Variants in VIPR2 observed in about 807,000 individuals in gnomAD.
The protein encoded by VIPR2 is vasoactive intestinal peptide receptor 2.
VIPR2 carries 48 observed loss-of-function variants against 58.0 expected under a neutral mutation model. That is an observed-to-expected ratio of 0.83 (90% CI 0.66 to 1.05). The LOEUF is 1.05. VIPR2 is among the 50% of genes least tolerant of loss of function. The pLI, the probability that VIPR2 is intolerant of heterozygous loss-of-function variation, is 0.00. For missense variants in VIPR2, 534 were observed against 558.0 expected, an observed-to-expected ratio of 0.96 and a Z score of 0.43; for synonymous variants, 243 against 235.2, an observed-to-expected ratio of 1.03 and a Z score of -0.30.
chr7:159,062,466 T>G (rs1855745470), intron 4 of VIPR2, among the ~76,000 whole-genome samples: 1 of 152,178 alleles, frequency 6.6e-6, no homozygotes, highest in Non-Finnish European at 1.5e-5. Context: ...CTCGCTGGCT[T>G]CAAGAGTGAA....
At chr7:159,051,130 G>T (rs1270126042) in intron 5 of VIPR2, among the ~76,000 whole-genome samples, 1 of 152,202 alleles carries the variant, frequency 6.6e-6, no homozygotes, top group African/African-American at 2.4e-5. Context: ...GTAGGAAAAT[G>T]ATTCCAGATG....
intron 3 of VIPR2, among the ~76,000 whole-genome samples, chr7:159,108,676 T>C (rs1358348397): frequency 6.6e-6 from 1 of 152,214 alleles, no homozygotes; most frequent in Non-Finnish European, 1.5e-5. Context: ...GACTGGATTC[T>C]GGTGCTTGCT....
intron 4 of VIPR2, among the ~76,000 whole-genome samples, chr7:159,078,780 C>G (rs999346489): frequency 1.3e-5 from 2 of 152,168 alleles, no homozygotes; most frequent in South Asian, 4.1e-4. Context: ...CCCAATTACA[C>G]GTTATCCAGG....
intron 4 of VIPR2, among the ~76,000 whole-genome samples, chr7:159,064,784 C>G (rs1855989276): frequency 6.6e-6 from 1 of 152,196 alleles, no homozygotes; most frequent in Non-Finnish European, 1.5e-5. Context: ...GCCGCCTGTG[C>G]ACAGCTGTGT....
intron 2 of VIPR2, among the ~76,000 whole-genome samples, chr7:159,135,634 C>A (rs1046396056): frequency 2.0e-5 from 3 of 151,820 alleles, no homozygotes; most frequent in African/African-American, 7.3e-5. Flanking sequence ...ACCAGCCTGG[C>A]CAACATGGTG....
chr7:159,042,875 T>A (rs2129493448), intron 6 of VIPR2, among the ~76,000 whole-genome samples, 160 bp downstream of exon 6: 1 of 152,248 alleles, frequency 6.6e-6, no homozygotes, highest in East Asian at 1.9e-4. Flanking sequence ...CAACTGGGCC[T>A]GTTCTGGCCC....
chr7:159,034,215 G>A lies in VIPR2; in HGVS notation c.969C>T (p.Tyr323=). ...PDVGGNDQSQ[Y]KRLAKSTLLL... Reference sequence around the variant, plus strand: ...GCCAGGCCGGGACACACACTCACTTGTACTGAGACTGGTCGTTGCCGCCGA... The same window carrying A: ...GCCAGGCCGGGACACACACTCACTTATACTGAGACTGGTCGTTGCCGCCGA... The change falls in exon 10 of 13, where the codon TAC becomes TAT. Residue 323 remains tyrosine, a splice_region_variant and synonymous_variant. Coordinates refer to ENST00000262178, the MANE Select transcript of VIPR2 (RefSeq NM_003382.5). 1 of 1,613,838 alleles carries A rather than the reference G, an allele frequency of 6.2e-7. No homozygotes were observed. Among genetic ancestry groups the A allele is most frequent in the Non-Finnish European group, 8.5e-7 (1 of 1,179,880 alleles).
At chr7:159,057,888 GA>G (rs979656355) in intron 5 of VIPR2, among the ~76,000 whole-genome samples, 4 of 152,162 alleles carry the variant, frequency 2.6e-5, no homozygotes, top group Non-Finnish European at 5.9e-5. Context: ...CACTGCCAGG[GA>G]AGAGTGGGCA....
At chr7:159,141,359 G>C (rs147298060) in intron 2 of VIPR2, among the ~76,000 whole-genome samples, 2 of 152,392 alleles carry the variant, frequency 1.3e-5, no homozygotes, top group East Asian at 1.9e-4. Context: ...CTCGGAGGCA[G>C]AGCCTGCACG....
Position 159,099,155 on chromosome 7 carries a change from C to A in VIPR2, c.357+4602G>T, listed in dbSNP as rs1239389046. 3.9e-5 allele frequency among the ~76,000 whole-genome samples: 6 copies of A among 152,248 alleles called. No individual in the cohort carries two copies. On this transcript the variant is annotated intron_variant, in intron 4 of 12. Coordinates refer to ENST00000262178, the MANE Select transcript of VIPR2 (RefSeq NM_003382.5). This position sits in a 1 kb window ranked among gnomAD's most constrained non-coding sequence, Gnocchi z 4.2. ...AAAAATTATTCATTTTGGTTTTGTG[C>A]CATCCTTTTCTTTGCTTTCTCACTT... is the stretch of plus-strand genomic sequence containing the variant.
rs1857970420 is a variant in VIPR2, at chr7:159,098,013, A to G, written c.357+5744T>C. Among the ~76,000 whole-genome samples, 1 of 152,216 alleles carries G rather than the reference A, an allele frequency of 6.6e-6. No individual in the cohort carries two copies. Among genetic ancestry groups the G allele is most frequent in the Non-Finnish European group, 1.5e-5 (1 of 68,030 alleles). On this transcript the variant is annotated intron_variant, in intron 4 of 12. Coordinates refer to ENST00000262178, the MANE Select transcript of VIPR2 (RefSeq NM_003382.5). The surrounding 1 kb of genome is among the most constrained non-coding windows in gnomAD (Gnocchi z 5.2). ...CTGGGCCAGAGCCCGCACCACGATC[A>G]GTCCCAGGAGCTCCTCCGTGGCCTC...
intron 4 of VIPR2, among the ~76,000 whole-genome samples, chr7:159,075,927 C>A (rs1236814652): frequency 6.6e-6 from 1 of 152,262 alleles, no homozygotes; most frequent in African/African-American, 2.4e-5. Context: ...TGCTTTCTCA[C>A]GGGCCGTGGA....
chr7:159,031,477 G>C lies in VIPR2; in HGVS notation c.1143+351C>G, dbSNP rs1563251622. 2 of 984,330 alleles carry C rather than the reference G, an allele frequency of 2.0e-6. No homozygotes were observed. Among genetic ancestry groups the C allele is most frequent in the South Asian group, 4.7e-5 (1 of 21,256 alleles). 61.0% of individuals were successfully genotyped at this position (984,330 alleles called of 1,614,324 possible). On this transcript the variant is annotated intron_variant, in intron 12 of 12. Coordinates refer to ENST00000262178, the MANE Select transcript of VIPR2 (RefSeq NM_003382.5). The surrounding 1 kb of genome is among the most constrained non-coding windows in gnomAD (Gnocchi z 4.0). ...CAGCCCCACCCCCCAACCCAGGCCC[G>C]GCTTTCTGGGACTCACAAGCTATGG...
rs1855459100 is a variant in VIPR2, at chr7:159,058,581, A to T, written c.358-3T>A. 1 of 1,598,968 alleles carries T rather than the reference A, an allele frequency of 6.3e-7. No homozygotes were observed. The highest frequency in any genetic ancestry group is 1.3e-5 in the African/African-American group (1 of 74,742). On this transcript the variant is annotated splice_region_variant and splice_polypyrimidine_tract_variant and intron_variant, in intron 4 of 12. Transcript: ENST00000262178. ...TTCACCAGAATATAAAACGTGATCT[A>T]CAAAGAAAGAAAACAGATCTGTAAG...
At chr7:159,082,725 A>AACAG (rs989770877) in intron 4 of VIPR2, among the ~76,000 whole-genome samples, 2 of 152,210 alleles carry the variant, frequency 1.3e-5, no homozygotes, top group Non-Finnish European at 2.9e-5. Context: ...CTGTGCTGAA[A>AACAG]ACAGACAGAC....
chr7:159,032,131 G>T, intron 10 of VIPR2, 64 bp from the exon 11 acceptor site: 1 of 1,597,378 alleles, frequency 6.3e-7, no homozygotes, highest in Non-Finnish European at 8.5e-7. Context: ...AGCCTGGCTG[G>T]GTCCTTCTCA....
At chr7:159,053,927 C>G (rs1563276622) in intron 5 of VIPR2, among the ~76,000 whole-genome samples, 1 of 152,246 alleles carries the variant, frequency 6.6e-6, no homozygotes, top group African/African-American at 2.4e-5. Context: ...AATGGCCAAG[C>G]TCTTCCTAAT....
intron 4 of VIPR2, among the ~76,000 whole-genome samples, chr7:159,100,075 A>T (rs115207432): frequency 0.013 from 2,034 of 152,178 alleles, 41 homozygotes; most frequent in African/African-American, 0.045. Context: ...CGCATCTTAG[A>T]CGGGCCCACA....
intron 6 of VIPR2, 26 bp downstream of exon 6, chr7:159,043,009 G>A: frequency 6.2e-7 from 1 of 1,611,362 alleles, no homozygotes; most frequent in Non-Finnish European, 8.5e-7. Flanking sequence ...CAAGACAGTG[G>A]GACCCTGTGG....
Sources: gnomAD v4.1 joint callset for allele counts (sites outside exome capture counted in the v4.1 genomes callset) on GRCh38, gnomAD v4.1.1 for gene constraint, Gnocchi (gnomAD v3.1) non-coding constraint, MANE v1.5 for transcripts, NCBI Gene and HGNC (gene_info 2026-07-23, HGNC 2026-07-21) for gene names.